PIEZO1: variants seen among roughly 807,000 people sequenced by gnomAD.
PIEZO1 encodes piezo type mechanosensitive ion channel component 1 (Er blood group), also known as piezo-type mechanosensitive ion channel component 1.
PIEZO1 carries 296 observed loss-of-function variants against 297.2 expected under a neutral mutation model. The ratio of observed to expected loss-of-function variants is 1.00; its 90% CI spans 0.91 to 1.10. The LOEUF (loss-of-function observed/expected upper bound fraction) is 1.10, where lower values mean the gene tolerates loss of function less well. Among genes scored for constraint, PIEZO1 ranks in the 50% least tolerant of loss-of-function variants. The pLI is 0.00. For missense variants in PIEZO1, 5,018 were observed against 3,455.5 expected (o/e 1.45, Z -11.34); for synonymous variants, 2,427 against 1,507.5 (o/e 1.61, Z -14.13).
chr16:88,736,849 C>A (rs1597460481), intron 10 of PIEZO1, 110 bp from the exon 11 acceptor site: 4 of 653,854 alleles, frequency 6.1e-6, no homozygotes, highest in Admixed American at 3.1e-5. Flanking sequence ...GAGAGACAGG[C>A]CCCCGGTGGG....
intron 1 of PIEZO1, among the ~76,000 whole-genome samples, chr16:88,765,097 TACCCAGCGGC>T (rs1823188523): frequency 1.3e-5 from 2 of 152,226 alleles, no homozygotes; most frequent in South Asian, 4.1e-4. Flanking sequence ...CCCTGTGATT[TACCCAGCGGC>T]ACCCAGCCCC....
In PIEZO1 at chr16:88,727,640, C is replaced by A. The variant is rs1030312028; in HGVS notation, c.3218G>T (p.Arg1073Leu). 1.3e-6 allele frequency: 2 copies of A among 1,488,454 alleles called. No individual in the cohort carries two copies. The highest frequency in any genetic ancestry group is 1.8e-6 in the Non-Finnish European group (2 of 1,109,146). The allele number at this position is 1,488,454 out of a possible 1,614,324, so 92.2% of individuals were successfully genotyped here. ...GAGTGCGGAGTTCATGGGGACGGCCCGGCTCCAGCGCCAGGGATAATCTGG... is the reference window on the plus strand; with the variant it reads ...GAGTGCGGAGTTCATGGGGACGGCCAGGCTCCAGCGCCAGGGATAATCTGG... ...LCIDYPWRWS[R>L]AVPMNSALIK... Residue 1073 changes from arginine (R) to leucine (L), a missense_variant, in exon 23 of 51, where the codon CGG becomes CTG. Transcript: ENST00000301015.
rs1190101555 is a variant in PIEZO1, at chr16:88,733,308, G to A, written c.2634C>T (p.Asn878=). The A allele has an allele frequency of 3.2e-6, 5 of 1,548,488 alleles. No homozygotes were observed. The highest frequency in any genetic ancestry group is 4.4e-6 in the Non-Finnish European group (5 of 1,145,364). The change falls in exon 19 of 51, where the codon AAC becomes AAT. Residue 878 remains asparagine (N), a synonymous_variant. Transcript: ENST00000301015. ...TGCAGTTGCTGGAATACTCCTGGGG[G>A]TTGACAACCTTGAGCTGGTACAGCA... ...CKMLYQLKVV[N]PQEYSSNCTE...
At chr16:88,727,713 G>C (rs756058032) in intron 22 of PIEZO1, 52 bp from the exon 23 acceptor site, 2 of 914,888 alleles carry the variant, frequency 2.2e-6, no homozygotes, top group South Asian at 4.2e-5. Flanking sequence ...TGGGGCCTGA[G>C]ACACCCGGTC....
chr16:88,734,336 C>A lies in PIEZO1; in HGVS notation c.2180+20G>T. On this transcript the variant is annotated intron_variant, in intron 16 of 50. Coordinates refer to ENST00000301015, the MANE Select transcript of PIEZO1 (RefSeq NM_001142864.4). ...GAGGCTACACCTCTCCAGGGCCGGA[C>A]AGGGAGGGCGGGGCCGCACCTGTGA... The A allele has an allele frequency of 6.7e-7, 1 of 1,495,758 alleles. No homozygotes were observed. The highest frequency in any genetic ancestry group is 8.9e-7 in the Non-Finnish European group (1 of 1,118,516). The allele number at this position is 1,495,758 out of a possible 1,614,324, so 92.7% of individuals were successfully genotyped here. A position where few individuals can be genotyped will look rare whatever the true frequency, so the allele number is the denominator to read the frequency against.
At chr16:88,742,198 A>T (rs1905723756) in intron 3 of PIEZO1, 102 bp downstream of exon 3, 2 of 1,502,562 alleles carry the variant, frequency 1.3e-6, no homozygotes, top group East Asian at 2.5e-5. Flanking sequence ...GCCAGACATA[A>T]ATCAGGCTGA....
At chr16:88,772,775 CAAAA>C (rs59210137) in intron 1 of PIEZO1, among the ~76,000 whole-genome samples, 2 of 122,500 alleles carry the variant, frequency 1.6e-5, no homozygotes, top group African/African-American at 3.2e-5. Flanking sequence ...GAGACTCTGT[CAAAA>C]AAAAAAAAAA....
At position 88,734,804 on chromosome 16, in the gene PIEZO1, G is replaced by A. The variant is rs780754421; in HGVS notation, c.1849-6C>T. 1,804 of 1,550,280 alleles carry A rather than the reference G, an allele frequency of 1.2e-3. No individual in the cohort carries two copies. Among genetic ancestry groups the A allele is most frequent in the Non-Finnish European group, 1.4e-3 (1,649 of 1,146,918 alleles). On this transcript the variant is annotated splice_region_variant and splice_polypyrimidine_tract_variant and intron_variant, in intron 14 of 50. Coordinates refer to ENST00000301015, the MANE Select transcript of PIEZO1 (RefSeq NM_001142864.4). ...CGCCACAGGCTGTAGTAGACCTGCC[G>A]GGTGAGGTGGGGGTGGTGAGGACCG... is the stretch of plus-strand genomic sequence containing the variant.
intron 2 of PIEZO1, among the ~76,000 whole-genome samples, chr16:88,748,262 T>C (rs539946858): frequency 7.9e-4 from 121 of 152,352 alleles, no homozygotes; most frequent in Non-Finnish European, 1.4e-3. Context: ...GGTCTCTGAG[T>C]GTTTGCTCCA....
chr16:88,742,114 G>T lies in PIEZO1; in HGVS notation c.284-19C>A, dbSNP rs780397890. The T allele has an allele frequency of 4.7e-5, 72 of 1,535,658 alleles. No homozygotes were observed. The African/African-American group carries it at 8.3e-4, about 18-fold the overall frequency. On this transcript the variant is annotated intron_variant, in intron 3 of 50. Coordinates refer to ENST00000301015, the MANE Select transcript of PIEZO1 (RefSeq NM_001142864.4). ...CGGCTGCCTGCAGAGAAAGACGGGGGAACCCAGGTCAGGCTCTGCCCAGCC... is the reference window on the plus strand; with the variant it reads ...CGGCTGCCTGCAGAGAAAGACGGGGTAACCCAGGTCAGGCTCTGCCCAGCC...
chr16:88,715,918 C>G lies in PIEZO1; in HGVS notation c.7316+15G>C, dbSNP rs1459164070. On this transcript the variant is annotated intron_variant, in intron 50 of 50. Coordinates refer to ENST00000301015, the MANE Select transcript of PIEZO1 (RefSeq NM_001142864.4). ...CCCCCCGAGCTGCGGGGTGCCCCCCCAGCCACTCACTCACCCGTAGCCAGC... is the reference window on the plus strand; with the variant it reads ...CCCCCCGAGCTGCGGGGTGCCCCCCGAGCCACTCACTCACCCGTAGCCAGC... The G allele has an allele frequency of 2.5e-5, 38 of 1,542,180 alleles. No homozygotes were observed. The highest frequency in any genetic ancestry group is 3.2e-5 in the Non-Finnish European group (37 of 1,141,362).
Position 88,723,007 on chromosome 16 carries a change from G to C in PIEZO1, c.4498C>G (p.Arg1500Gly), listed in dbSNP as rs778567577. Residue 1500 changes from arginine (R) to glycine (G), a missense_variant and splice_region_variant, in exon 34 of 51, where the codon CGG becomes GGG. By Grantham distance (125) the Arg-to-Gly change is moderately radical. Coordinates refer to ENST00000301015, the MANE Select transcript of PIEZO1 (RefSeq NM_001142864.4). The stretch of plus-strand genomic sequence containing the variant: ...AGCACCCTCTGCACCACATGGCTCC[G>C]GCCTGCGGGAGGGCGGGAGGGGGCG... ...AEGPEEAAAG[R>G]SHVVQRVLST... 1 of 1,546,164 alleles carries C rather than the reference G, an allele frequency of 6.5e-7. No individual in the cohort carries two copies. Among genetic ancestry groups the C allele is most frequent in the South Asian group, 1.2e-5 (1 of 84,004 alleles).
chr16:88,776,292 A>T (rs2911460), intron 1 of PIEZO1, among the ~76,000 whole-genome samples: 2 of 151,908 alleles, frequency 1.3e-5, no homozygotes, highest in Non-Finnish European at 2.9e-5. Flanking sequence ...AAATTAGCGG[A>T]GTGTGGTGGT....
chr16:88,775,097 C>G (rs948907840), intron 1 of PIEZO1, among the ~76,000 whole-genome samples: 1 of 152,220 alleles, frequency 6.6e-6, no homozygotes, highest in African/African-American at 2.4e-5. Flanking sequence ...CCGTGACACC[C>G]AGGACGTAAC....
At chr16:88,720,893 G>T (rs565626381) in intron 39 of PIEZO1, 145 bp from the exon 40 acceptor site, 1 of 1,041,396 alleles carries the variant, frequency 9.6e-7, no homozygotes, top group Admixed American at 3.0e-5. Flanking sequence ...CACTGGCAAG[G>T]AGACAGCTGG....
intron 1 of PIEZO1, among the ~76,000 whole-genome samples, chr16:88,779,954 C>T (rs1322662185): frequency 1.3e-5 from 2 of 152,340 alleles, no homozygotes; most frequent in East Asian, 3.9e-4. Context: ...GGTGTGAGAT[C>T]CAAAGCCCGA....
chr16:88,741,702 G>C, intron 4 of PIEZO1, 86 bp from the exon 5 acceptor site: 1 of 1,032,788 alleles, frequency 9.7e-7, no homozygotes, highest in Non-Finnish European at 1.4e-6. Flanking sequence ...GCGGGTGGGA[G>C]TGTGGATGGG....
Position 88,721,243 on chromosome 16 carries a change from CG to C in PIEZO1, c.5590del (p.Arg1864ValfsTer57). ...TPEPQVELRP[R>X]DTRRISLRFR... ...ACGTAGACTGATGCGCCTCGTATCA[CG>C]GGGCCTGAGCTCCACTTGGGGTTCT... On this transcript the variant is annotated frameshift_variant, in exon 39 of 51. Coordinates refer to ENST00000301015, the MANE Select transcript of PIEZO1 (RefSeq NM_001142864.4). LOFTEE classifies it high-confidence loss of function. The C allele has an allele frequency of 1.9e-6, 3 of 1,541,768 alleles. No individual in the cohort carries two copies.
chr16:88,756,904 G>A (rs957297882), intron 1 of PIEZO1, among the ~76,000 whole-genome samples: 11 of 151,662 alleles, frequency 7.3e-5, no homozygotes, highest in South Asian at 4.2e-4. Context: ...GTGAAACCCT[G>A]TCTCTACTAA....
Sources: gnomAD v4.1 joint callset for allele counts (sites outside exome capture counted in the v4.1 genomes callset) on GRCh38, gnomAD v4.1.1 for gene constraint, MANE v1.5 for transcripts, NCBI Gene and HGNC (gene_info 2026-07-23, HGNC 2026-07-21) for gene names.